Variants in TPRG1 observed in about 807,000 individuals in gnomAD.
TPRG1 encodes tumor protein p63 regulated 1.
Under a neutral mutation model 29.3 loss-of-function variants are expected in TPRG1, and 29 were observed. That is an observed-to-expected ratio of 0.99 (90% confidence interval 0.74 to 1.35). The LOEUF (loss-of-function observed/expected upper bound fraction) is 1.35. Among genes scored for constraint, TPRG1 ranks in the 40% most tolerant of loss-of-function variants. The probability of loss-of-function intolerance (pLI) is 0.00; values close to 1 mark genes in which losing one functional copy is unlikely to be tolerated. For synonymous variants in TPRG1, 130 were observed against 116.8 expected (o/e 1.11, Z -0.73); for missense variants, 327 against 335.0 (o/e 0.98, Z 0.19).
intron 4 of TPRG1, among the ~76,000 whole-genome samples, chr3:189,263,206 A>G (rs959063796): frequency 2.0e-5 from 3 of 152,258 alleles, no homozygotes; most frequent in Non-Finnish European, 4.4e-5. Flanking sequence ...TTCAGCTTTT[A>G]TGACAGAATT....
At chr3:189,078,887 G>C (rs140301319) in intron 4 of TPRG1, among the ~76,000 whole-genome samples, 1 of 152,182 alleles carries the variant, frequency 6.6e-6, no homozygotes, top group African/African-American at 2.4e-5. Context: ...TAAAGCAATA[G>C]TGTGGTGTTT....
chr3:189,138,978 A>T (rs1339456205), intron 3 of TPRG1, among the ~76,000 whole-genome samples: 2 of 152,164 alleles, frequency 1.3e-5, no homozygotes, highest in Non-Finnish European at 2.9e-5. Flanking sequence ...ACAGAAAAAA[A>T]ATCTGCTCCA....
chr3:189,101,622 T>G (rs1042283606), intron 1 of TPRG1, among the ~76,000 whole-genome samples: 5 of 152,096 alleles, frequency 3.3e-5, no homozygotes, highest in African/African-American at 9.7e-5. Flanking sequence ...ATTCCTTGAC[T>G]TTCAGAAACT....
intron 5 of TPRG1, among the ~76,000 whole-genome samples, chr3:189,158,860 GCCCA>G (rs767156412): frequency 6.6e-6 from 1 of 151,740 alleles, no homozygotes; most frequent in Non-Finnish European, 1.5e-5. Flanking sequence ...CAGTTGTTTT[GCCCA>G]CTTGTCTGAA....
chr3:189,280,443 A>G (rs1202157068), intron 4 of TPRG1, among the ~76,000 whole-genome samples: 1 of 152,186 alleles, frequency 6.6e-6, no homozygotes, highest in Non-Finnish European at 1.5e-5. Flanking sequence ...AGTTCATATA[A>G]CATGTGTATT....
At chr3:189,158,725 C>T (rs145807818) in intron 5 of TPRG1, among the ~76,000 whole-genome samples, 337 of 152,272 alleles carry the variant, frequency 2.2e-3, no homozygotes, top group African/African-American at 7.9e-3. Context: ...TCACCATCCC[C>T]AGCCCATCTC....
chr3:189,139,674 T>C (rs954406793), intron 3 of TPRG1, among the ~76,000 whole-genome samples: 1 of 151,926 alleles, frequency 6.6e-6, no homozygotes, highest in Non-Finnish European at 1.5e-5. Context: ...AGGATTTTTT[T>C]TTTTTTTTCA....
rs200606792 is a variant in TPRG1 at position 189,076,928 on chromosome 3, A to ATG, written c.-462-50128_-462-50127insGT. On this transcript the variant is annotated intron_variant, in intron 4 of 10. Transcript: ENST00000433971. ...CACAAAAGAATATATGTGTACATAT[A>ATG]TATATATATATATAGCCAATAAGCA... Among the ~76,000 whole-genome samples, 387 of 150,768 alleles carry ATG rather than the reference A, an allele frequency of 2.6e-3. 3 individuals are homozygous for ATG. The highest frequency in any genetic ancestry group is 8.5e-3 in the African/African-American group (343 of 40,432).
At chr3:189,101,241 T>A (rs1409372897) in intron 1 of TPRG1, among the ~76,000 whole-genome samples, 1 of 152,168 alleles carries the variant, frequency 6.6e-6, no homozygotes, top group Non-Finnish European at 1.5e-5. Flanking sequence ...CTTCCCTATC[T>A]TCTGCCCTAA....
intron 3 of TPRG1, among the ~76,000 whole-genome samples, chr3:189,007,587 T>G (rs1235696808): frequency 2.4e-4 from 37 of 151,704 alleles, no homozygotes; most frequent in East Asian, 9.7e-4. Context: ...GCTATAAAGA[T>G]ACATGCACAC....
chr3:189,028,251 G>A (rs529524513), intron 4 of TPRG1, among the ~76,000 whole-genome samples: 66 of 152,300 alleles, frequency 4.3e-4, no homozygotes, highest in African/African-American at 1.4e-3. Context: ...TTCCCTGACC[G>A]CATTCCAGTG....
At chr3:189,271,394 CAG>C (rs1715098580) in intron 4 of TPRG1, among the ~76,000 whole-genome samples, 1 of 152,168 alleles carries the variant, frequency 6.6e-6, no homozygotes, top group African/African-American at 2.4e-5. Context: ...CAGCTGTTTG[CAG>C]AGTCTTGCAT....
chr3:189,297,045 A>T (rs1234557720), intron 4 of TPRG1, among the ~76,000 whole-genome samples: 1 of 152,040 alleles, frequency 6.6e-6, no homozygotes, highest in Non-Finnish European at 1.5e-5. Flanking sequence ...CAGTGGTGTC[A>T]TCTCAGCTCA....
intron 3 of TPRG1, among the ~76,000 whole-genome samples, chr3:189,023,262 A>G (rs1713468531): frequency 1.3e-5 from 2 of 152,096 alleles, no homozygotes; most frequent in South Asian, 4.1e-4. Flanking sequence ...CCGAGCTCTG[A>G]GATTCTTTAC....
intron 5 of TPRG1, among the ~76,000 whole-genome samples, chr3:189,312,179 T>C (rs1383212904): frequency 0.011 from 587 of 52,424 alleles, 21 homozygotes; most frequent in Middle Eastern, 0.018. Flanking sequence ...CTTTCTTTCT[T>C]TCTTTTTTTC....
At chr3:189,023,222 C>A (rs1182606483) in intron 3 of TPRG1, among the ~76,000 whole-genome samples, 1 of 152,242 alleles carries the variant, frequency 6.6e-6, no homozygotes, top group African/African-American at 2.4e-5. Flanking sequence ...CAGACCGGAG[C>A]TGTTCCTATT....
chr3:189,296,343 T>C (rs918149330), intron 4 of TPRG1, among the ~76,000 whole-genome samples: 2 of 152,230 alleles, frequency 1.3e-5, no homozygotes, highest in Admixed American at 1.3e-4. Context: ...AAATTAGAAA[T>C]TATATTTGAT....
At chr3:189,235,541 C>T (rs1739326691) in intron 3 of TPRG1, among the ~76,000 whole-genome samples, 1 of 152,066 alleles carries the variant, frequency 6.6e-6, no homozygotes, top group South Asian at 2.1e-4. Context: ...GAGGGTTCTT[C>T]CCCAAGCTAG....
intron 1 of TPRG1, among the ~76,000 whole-genome samples, chr3:189,000,333 T>C (rs1477530322): frequency 6.6e-6 from 1 of 152,126 alleles, no homozygotes; most frequent in East Asian, 1.9e-4. Flanking sequence ...TCAACCATAT[T>C]TTTAAAGGGC....
Sources: gnomAD v4.1 joint callset for allele counts (sites outside exome capture counted in the v4.1 genomes callset) on GRCh38, gnomAD v4.1.1 for gene constraint, MANE v1.5 for transcripts, NCBI Gene and HGNC (gene_info 2026-07-23, HGNC 2026-07-21) for gene names.